Variants in ARMC2 observed in about 807,000 individuals in gnomAD.
The protein encoded by ARMC2 is armadillo repeat containing 2.
In ARMC2, 67 loss-of-function variants were observed where a neutral mutation model predicts 90.3. The ratio of observed to expected loss-of-function variants is 0.74; its 90% CI spans 0.61 to 0.91. The LOEUF (loss-of-function observed/expected upper bound fraction) is 0.91, where lower values mean the gene tolerates loss of function less well. Among genes scored for constraint, ARMC2 ranks in the 40% least tolerant of loss-of-function variants. The pLI, the probability that ARMC2 is intolerant of heterozygous loss-of-function variation, is 0.00. For synonymous variants in ARMC2, 393 were observed against 393.0 expected, an observed-to-expected ratio of 1.00 and a Z score of 0.00; for missense variants, 920 against 1,030.9, an observed-to-expected ratio of 0.89 and a Z score of 1.47.
At chr6:108,928,258 G>A in intron 11 of ARMC2, 25 bp downstream of exon 11, 2 of 1,429,888 alleles carry the variant, frequency 1.4e-6, no homozygotes, top group Non-Finnish European at 1.8e-6. Context: ...ACGTGAAGTA[G>A]CCTTACAAAA....
chr6:108,937,194 G>A (rs935268541), intron 12 of ARMC2, among the ~76,000 whole-genome samples, 195 bp downstream of exon 12: 16 of 152,178 alleles, frequency 1.1e-4, no homozygotes, highest in Admixed American at 4.6e-4. Context: ...GAAATGAAAT[G>A]TTGATGTTCT....
the ARMC2 span, chr6:109,008,729 C>A: frequency 1.0e-6 from 1 of 974,058 alleles, no homozygotes; most frequent in Non-Finnish European, 1.2e-6. Context: ...GAAAAAAACA[C>A]AAAATGTTAC....
intron 10 of ARMC2, among the ~76,000 whole-genome samples, chr6:108,923,418 AC>A (rs1333150511): frequency 1.3e-5 from 2 of 151,010 alleles, no homozygotes; most frequent in Non-Finnish European, 2.9e-5. Flanking sequence ...GGAAATAAAG[AC>A]CCTGCTGTAG....
chr6:108,955,617 G>A (rs1254063672), intron 13 of ARMC2, among the ~76,000 whole-genome samples: 1 of 151,954 alleles, frequency 6.6e-6, no homozygotes, highest in African/African-American at 2.4e-5. Flanking sequence ...CTTCTGATTG[G>A]GATCTGCACC....
chr6:108,936,844 T>C, intron 11 of ARMC2, 56 bp from the exon 12 acceptor site: 1 of 1,419,096 alleles, frequency 7.0e-7, no homozygotes, highest in Non-Finnish European at 9.7e-7. Context: ...TATGTGTACT[T>C]GAATTTTATA....
At chr6:108,954,557 A>T (rs1349867290) in intron 13 of ARMC2, among the ~76,000 whole-genome samples, 1 of 152,188 alleles carries the variant, frequency 6.6e-6, no homozygotes, top group African/African-American at 2.4e-5. Context: ...CAGGAGACGG[A>T]GGGCCGCAGT....
the ARMC2 span, chr6:108,999,010 A>G: frequency 1.7e-4 from 47 of 281,748 alleles, no homozygotes; most frequent in African/African-American, 9.8e-4. Flanking sequence ...ATGTAAGAGA[A>G]TGCATTTTGC....
At chr6:108,976,392 GT>G (rs538730916), downstream of ARMC2, among the ~76,000 whole-genome samples, 1,067 of 152,026 alleles carry the variant, frequency 7.0e-3, 12 homozygotes, top group African/African-American at 0.024. Context: ...GTACCATGCT[GT>G]TTTTTTTACT....
At chr6:108,979,293 TTTTC>T (rs1468396375), downstream of ARMC2, among the ~76,000 whole-genome samples, 2 of 152,212 alleles carry the variant, frequency 1.3e-5, no homozygotes, top group African/African-American at 4.8e-5. Flanking sequence ...TTGAAAATTC[TTTTC>T]TTTAAGAATG....
At chr6:108,990,933 G>T in the ARMC2 span, 2 of 1,075,008 alleles carry the variant, frequency 1.9e-6, no homozygotes, top group Non-Finnish European at 2.6e-6. Flanking sequence ...TCATTTGGCT[G>T]ACAATCCAAC....
rs150515391 is a variant in ARMC2, at chr6:108,902,027, G to A, written c.848-2203G>A. 9.6e-3 allele frequency among the ~76,000 whole-genome samples: 1,463 copies of A among 152,338 alleles called. 16 individuals carry two copies. Among genetic ancestry groups the A allele is most frequent in the African/African-American group, 0.031 (1,285 of 41,578 alleles). The stretch of plus-strand genomic sequence containing the variant: ...GTGTCCCTCTCAGCACCTCCTGCCA[G>A]GAGTACACGATGCTGATGCATTCTG... On this transcript the variant is annotated intron_variant, in intron 7 of 17. Transcript: ENST00000392644.
At chr6:108,910,826 A>ATATT (rs1554250099) in intron 8 of ARMC2, 73 bp from the exon 9 acceptor site, 2 of 715,080 alleles carry the variant, frequency 2.8e-6, no homozygotes, top group East Asian at 6.4e-5. Flanking sequence ...TTAAAAATAG[A>ATATT]TGTGGTTTAT....
the ARMC2 span, among the ~76,000 whole-genome samples, chr6:109,001,849 C>T: frequency 3.3e-5 from 5 of 152,228 alleles, no homozygotes; most frequent in African/African-American, 1.2e-4. Context: ...TTAAGGAGAA[C>T]TAAAATTAAC....
At chr6:109,011,632 CTTTTTTTTT>C in the ARMC2 span, among the ~76,000 whole-genome samples, 1 of 138,666 alleles carries the variant, frequency 7.2e-6, no homozygotes, top group African/African-American at 2.7e-5. Flanking sequence ...AATTTTTTTT[CTTTTTTTTT>C]TTTTTTGAGA....
chr6:108,950,786 A>G (rs1237642584), intron 12 of ARMC2, among the ~76,000 whole-genome samples: 1 of 152,198 alleles, frequency 6.6e-6, no homozygotes, highest in Non-Finnish European at 1.5e-5. Context: ...AGTTAAAAAA[A>G]GAGAGAGACT....
In ARMC2 at chr6:108,873,574, C is replaced by A. The variant is rs1776647991; in HGVS notation, c.464-2569C>A. On this transcript the variant is annotated intron_variant, in intron 4 of 17. Transcript: ENST00000392644. ...CCCAATGCTGAATGGAAATGTGGGG[C>A]CCTTTGTTCAAAAATTATTAAGAGT... Among the ~76,000 whole-genome samples, 9 of 152,058 alleles carry A rather than the reference C, an allele frequency of 5.9e-5. No individual in the cohort carries two copies. In the Admixed American group the frequency reaches 5.9e-4, roughly 10 times the overall value.
At chr6:109,012,282 G>A in the ARMC2 span, among the ~76,000 whole-genome samples, 5 of 148,352 alleles carry the variant, frequency 3.4e-5, no homozygotes, top group African/African-American at 1.2e-4. Context: ...TCGCTCTGTC[G>A]CCCAGGCTGG....
At chr6:108,881,788 C>T (rs1188714248) in intron 5 of ARMC2, among the ~76,000 whole-genome samples, 2 of 152,088 alleles carry the variant, frequency 1.3e-5, no homozygotes, top group Admixed American at 6.5e-5. Context: ...TGCATCACAG[C>T]GACCTGCTCC....
chr6:109,014,271 G>A, the ARMC2 span, among the ~76,000 whole-genome samples: 1 of 152,040 alleles, frequency 6.6e-6, no homozygotes, highest in African/African-American at 2.4e-5. Flanking sequence ...AGGTTTTCTA[G>A]GCTGATAATA....
Sources: gnomAD v4.1 joint callset for allele counts (sites outside exome capture counted in the v4.1 genomes callset) on GRCh38, gnomAD v4.1.1 for gene constraint, MANE v1.5 for transcripts, NCBI Gene and HGNC (gene_info 2026-07-23, HGNC 2026-07-21) for gene names.